The following PRELID2 variants were observed in gnomAD, a reference collection of about 807,000 sequenced individuals.
PRELID2 encodes the protein PRELI domain-containing protein 2.
In PRELID2, 25 loss-of-function variants were observed where a neutral mutation model predicts 28.4. The observed-to-expected ratio is 0.88, with a 90% CI of 0.64 to 1.23. PRELID2 has a LOEUF of 1.23. PRELID2 is among the 50% of genes most tolerant of loss of function. The pLI is 0.00. For missense variants in PRELID2, 201 were observed against 214.4 expected (o/e 0.94, Z 0.39); for synonymous variants, 76 against 71.6 (o/e 1.06, Z -0.31).
intron 1 of PRELID2, among the ~76,000 whole-genome samples, chr5:145,701,258 C>A (rs1473076153): frequency 1.3e-5 from 2 of 152,188 alleles, no homozygotes; most frequent in African/African-American, 2.4e-5. Flanking sequence ...CATGCTTAAC[C>A]TTCACACCGA....
chr5:145,620,834 C>CA (rs1268124477), intron 1 of PRELID2, among the ~76,000 whole-genome samples: 7 of 151,030 alleles, frequency 4.6e-5, no homozygotes, highest in African/African-American at 1.2e-4. Flanking sequence ...CACACACACA[C>CA]ACACACACAA....
the PRELID2 span, among the ~76,000 whole-genome samples, chr5:145,244,459 T>C: frequency 2.0e-5 from 3 of 151,932 alleles, no homozygotes; most frequent in Admixed American, 1.3e-4. Flanking sequence ...GTGGCCTGAA[T>C]TGAAGGTACA....
intron 1 of PRELID2, among the ~76,000 whole-genome samples, chr5:145,580,451 T>C (rs1441546870): frequency 6.6e-6 from 1 of 152,060 alleles, no homozygotes; most frequent in Non-Finnish European, 1.5e-5. Context: ...ATGATTTTTC[T>C]ATACCATTCC....
the PRELID2 span, among the ~76,000 whole-genome samples, chr5:145,285,665 A>G: frequency 6.6e-6 from 1 of 151,960 alleles, no homozygotes; most frequent in South Asian, 2.1e-4. Flanking sequence ...CAGCAACAAA[A>G]CCCTCCAGCA....
At chr5:145,258,262 C>T in the PRELID2 span, among the ~76,000 whole-genome samples, 1 of 151,978 alleles carries the variant, frequency 6.6e-6, no homozygotes, top group African/African-American at 2.4e-5. Flanking sequence ...TATAAAGATA[C>T]CTGAAAATGT....
the PRELID2 span, among the ~76,000 whole-genome samples, chr5:145,294,253 G>T: frequency 6.6e-6 from 1 of 151,990 alleles, no homozygotes; most frequent in Non-Finnish European, 1.5e-5. Flanking sequence ...TATTTATTTA[G>T]CAATAATGAC....
chr5:145,260,030 GA>G, the PRELID2 span, among the ~76,000 whole-genome samples: 1 of 152,110 alleles, frequency 6.6e-6, no homozygotes, highest in Non-Finnish European at 1.5e-5. Flanking sequence ...ATTCTTGTGA[GA>G]TCTGGTCGTT....
At chr5:145,445,181 A>G in the PRELID2 span, among the ~76,000 whole-genome samples, 1,362 of 152,200 alleles carry the variant, frequency 8.9e-3, 8 homozygotes, top group African/African-American at 0.018. Flanking sequence ...ATAAAAACAG[A>G]CACATAGACT....
chr5:145,686,445 G>C (rs1242818584), intron 1 of PRELID2, among the ~76,000 whole-genome samples: 1 of 151,890 alleles, frequency 6.6e-6, no homozygotes, highest in African/African-American at 2.4e-5. Context: ...CATGCCCTTA[G>C]CAACAAGATC....
chr5:145,306,226 G>T, the PRELID2 span, among the ~76,000 whole-genome samples: 3 of 152,152 alleles, frequency 2.0e-5, no homozygotes, highest in Non-Finnish European at 2.9e-5. Context: ...ATATTACTCA[G>T]GTTTGTATGA....
chr5:145,398,168 C>T, the PRELID2 span, among the ~76,000 whole-genome samples: 2 of 152,100 alleles, frequency 1.3e-5, no homozygotes, highest in Non-Finnish European at 2.9e-5. Flanking sequence ...TACTGCCCAT[C>T]TTCTACTCCC....
At chr5:145,697,816 G>A (rs1474331711) in intron 1 of PRELID2, among the ~76,000 whole-genome samples, 1 of 152,092 alleles carries the variant, frequency 6.6e-6, no homozygotes, top group Non-Finnish European at 1.5e-5. Context: ...GTGCCTTTAA[G>A]GTTTAAAGCA....
At chr5:145,809,925 T>C (rs908084982) in intron 4 of PRELID2, among the ~76,000 whole-genome samples, 3 of 152,200 alleles carry the variant, frequency 2.0e-5, no homozygotes, top group African/African-American at 7.2e-5. Context: ...ATCAAATGCA[T>C]GTCAATTATA....
the PRELID2 span, among the ~76,000 whole-genome samples, chr5:145,400,585 C>T: frequency 6.6e-6 from 1 of 152,078 alleles, no homozygotes; most frequent in Non-Finnish European, 1.5e-5. Flanking sequence ...TAGCAGGTTA[C>T]CCCCAGGAAC....
chr5:145,729,010 C>G (rs1027970091), intron 1 of PRELID2: 3 of 704,630 alleles, frequency 4.3e-6, no homozygotes, highest in Non-Finnish European at 5.1e-6. Flanking sequence ...TCCCTCCTGG[C>G]CAAAGTAACA....
the PRELID2 span, among the ~76,000 whole-genome samples, chr5:145,324,700 G>T: frequency 6.6e-6 from 1 of 152,070 alleles, no homozygotes; most frequent in Non-Finnish European, 1.5e-5. Flanking sequence ...CACATATAAG[G>T]CATTGTTCTA....
At chr5:145,252,064 A>G in the PRELID2 span, among the ~76,000 whole-genome samples, 3 of 152,148 alleles carry the variant, frequency 2.0e-5, no homozygotes, top group African/African-American at 7.2e-5. Flanking sequence ...CCACACCACC[A>G]GAATCAGAAA....
chr5:145,259,606 C>T, the PRELID2 span, among the ~76,000 whole-genome samples: 1 of 152,158 alleles, frequency 6.6e-6, no homozygotes, highest in East Asian at 1.9e-4. Context: ...CTTTCTTTTG[C>T]CTATTTTTTT....
the PRELID2 span, among the ~76,000 whole-genome samples, chr5:145,299,622 C>A: frequency 6.9e-6 from 1 of 145,562 alleles, no homozygotes; most frequent in East Asian, 2.0e-4. Flanking sequence ...CCTGCTGAGA[C>A]CACTACATAT....
Sources: gnomAD v4.1 joint callset for allele counts (sites outside exome capture counted in the v4.1 genomes callset) on GRCh38, gnomAD v4.1.1 for gene constraint, MANE v1.5 for transcripts, NCBI Gene and HGNC (gene_info 2026-07-23, HGNC 2026-07-21) for gene names.